Variants in KLRF1 observed in about 807,000 individuals in gnomAD.
KLRF1 encodes killer cell lectin-like receptor subfamily F member 1.
KLRF1 carries 27 observed loss-of-function variants against 30.7 expected under a neutral mutation model. The observed-to-expected ratio is 0.88, with a 90% CI of 0.65 to 1.21. The LOEUF (loss-of-function observed/expected upper bound fraction) is 1.21, where lower values mean the gene tolerates loss of function less well. Among genes scored for constraint, KLRF1 ranks in the 50% most tolerant of loss-of-function variants. The probability of loss-of-function intolerance (pLI) is 0.00; values close to 1 mark genes in which losing one functional copy is unlikely to be tolerated. For synonymous variants in KLRF1, 92 were observed against 89.3 expected, an observed-to-expected ratio of 1.03 and a Z score of -0.17; for missense variants, 246 against 259.3, an observed-to-expected ratio of 0.95 and a Z score of 0.35.
chr12:9,807,578 AGAAAG>A, the KLRF1 span, among the ~76,000 whole-genome samples: 1 of 152,182 alleles, frequency 6.6e-6, no homozygotes, highest in Non-Finnish European at 1.5e-5. Context: ...AGTTAAAAGA[AGAAAG>A]GAAAGAAATA....
intron 2 of KLRF1, 141 bp downstream of exon 2, chr12:9,832,555 G>A (rs1053060707): frequency 2.2e-5 from 13 of 599,720 alleles, no homozygotes; most frequent in Non-Finnish European, 3.8e-5. Flanking sequence ...AGCTCTATTA[G>A]TACACTCCAC....
the KLRF1 span, among the ~76,000 whole-genome samples, chr12:9,813,241 T>C: frequency 6.6e-6 from 1 of 152,172 alleles, no homozygotes; most frequent in South Asian, 2.1e-4. Context: ...ATGCTGGTTC[T>C]TTTATGTCTT....
intron 3 of KLRF1, among the ~76,000 whole-genome samples, chr12:9,834,567 C>T (rs1434519530): frequency 1.3e-5 from 2 of 151,766 alleles, no homozygotes; most frequent in Non-Finnish European, 2.9e-5. Flanking sequence ...TTGGAAGGAG[C>T]ATTTGTTGTA....
At chr12:9,831,591 T>C (rs1867429287) in intron 1 of KLRF1, among the ~76,000 whole-genome samples, 1 of 152,168 alleles carries the variant, frequency 6.6e-6, no homozygotes, top group Admixed American at 6.6e-5. Flanking sequence ...GATATTCACT[T>C]ATTCAGTATA....
chr12:9,809,177 A>G, the KLRF1 span, among the ~76,000 whole-genome samples: 1 of 152,148 alleles, frequency 6.6e-6, no homozygotes. Context: ...AGATGGGAAG[A>G]ATTGCCTTTA....
intron 3 of KLRF1, among the ~76,000 whole-genome samples, chr12:9,837,014 A>G (rs1480031828): frequency 6.6e-6 from 1 of 152,108 alleles, no homozygotes; most frequent in African/African-American, 2.4e-5. Flanking sequence ...AAACAATTTC[A>G]TGATGTTTAG....
upstream of KLRF1, among the ~76,000 whole-genome samples, chr12:9,824,935 G>T: frequency 6.6e-6 from 1 of 152,010 alleles, no homozygotes; most frequent in Admixed American, 6.6e-5. Flanking sequence ...GCTCTACAAG[G>T]ATAATTACAA....
the KLRF1 span, among the ~76,000 whole-genome samples, chr12:9,812,650 A>G: frequency 6.6e-6 from 1 of 151,954 alleles, no homozygotes; most frequent in African/African-American, 2.4e-5. Context: ...CTGGTTTCTC[A>G]TTTGTTTGTC....
intron 2 of KLRF1, among the ~76,000 whole-genome samples, chr12:9,832,658 T>A (rs1036226604): frequency 1.4e-4 from 1 of 7,150 alleles, no homozygotes; most frequent in African/African-American, 2.2e-4. Flanking sequence ...ATGTGTAGAG[T>A]GTGTGTGTGT....
At chr12:9,827,754 T>A in intron 1 of KLRF1, 125 bp downstream of exon 1, 1 of 524,620 alleles carries the variant, frequency 1.9e-6, no homozygotes, top group Admixed American at 3.6e-5. Flanking sequence ...TCTCTGTATC[T>A]CTCTCACCTG....
At chr12:9,833,965 G>C (rs1213501443) in intron 3 of KLRF1, among the ~76,000 whole-genome samples, 1 of 145,454 alleles carries the variant, frequency 6.9e-6, no homozygotes, top group Non-Finnish European at 1.5e-5. Flanking sequence ...GTGCAGGCGG[G>C]CTGAGTCCGA....
At chr12:9,838,359 A>G (rs1405654710) in intron 3 of KLRF1, among the ~76,000 whole-genome samples, 1 of 152,070 alleles carries the variant, frequency 6.6e-6, no homozygotes, top group Non-Finnish European at 1.5e-5. Context: ...GGGGGGGTGA[A>G]TAGCTTTGAG....
intron 3 of KLRF1, among the ~76,000 whole-genome samples, chr12:9,834,737 C>A (rs1402081514): frequency 2.0e-5 from 3 of 152,082 alleles, no homozygotes; most frequent in Non-Finnish European, 4.4e-5. Context: ...GGGCGTTCAG[C>A]ATAATTACTT....
the KLRF1 span, chr12:9,817,210 A>C: frequency 5.5e-6 from 1 of 182,956 alleles, no homozygotes. Flanking sequence ...TTCTAATATT[A>C]CTTAACAGTA....
chr12:9,827,736 T>C, intron 1 of KLRF1, 107 bp downstream of exon 1: 1 of 580,434 alleles, frequency 1.7e-6, no homozygotes, highest in Non-Finnish European at 3.1e-6. Flanking sequence ...GGTGCTTTTC[T>C]TTCTCCGTCT....
the KLRF1 span, among the ~76,000 whole-genome samples, chr12:9,815,493 T>C: frequency 2.6e-5 from 4 of 152,238 alleles, no homozygotes; most frequent in Non-Finnish European, 5.9e-5. Flanking sequence ...TCTATTTCTC[T>C]GTCAGCAGAT....
Position 9,841,943 on chromosome 12 carries a change from C to G in KLRF1, c.466C>G (p.Leu156Val). 6.2e-7 allele frequency: 1 copy of G among 1,610,786 alleles called. No individual in the cohort carries two copies. The highest frequency in any genetic ancestry group is 1.1e-5 in the South Asian group (1 of 90,654). The change falls in exon 4 of 6, where the codon CTT (leucine) becomes GTT (valine). Residue 156 changes from leucine to valine, a missense_variant. Leu to Val is a conservative substitution (Grantham distance 32). Transcript: ENST00000617889. ...KSHLLIIHDQ[L>V]EMAFIQKNLR... Reference sequence around the variant, plus strand: ...TCATCTACTAATCATACATGACCAACTTGAAATGGTAATTGGTCTAGTATC... The same window carrying G: ...TCATCTACTAATCATACATGACCAAGTTGAAATGGTAATTGGTCTAGTATC...
At chr12:9,836,837 C>T (rs752033848) in intron 3 of KLRF1, among the ~76,000 whole-genome samples, 1 of 151,988 alleles carries the variant, frequency 6.6e-6, no homozygotes, top group African/African-American at 2.4e-5. Flanking sequence ...ATTGCAATGA[C>T]ACCTTAGAAA....
the KLRF1 span, among the ~76,000 whole-genome samples, chr12:9,819,818 C>G: frequency 5.3e-5 from 8 of 152,132 alleles, no homozygotes; most frequent in Admixed American, 4.6e-4. Flanking sequence ...CCATGTGAAT[C>G]CCAGACCCTG....
Sources: gnomAD v4.1 joint callset for allele counts (sites outside exome capture counted in the v4.1 genomes callset) on GRCh38, gnomAD v4.1.1 for gene constraint, MANE v1.5 for transcripts, NCBI Gene and HGNC (gene_info 2026-07-23, HGNC 2026-07-21) for gene names.